The following ATRX variants were observed in gnomAD, a reference collection of about 807,000 sequenced individuals.
ATRX encodes the protein ATRX chromatin remodeler, also known as chromatin remodeler ATRX.
Under a neutral mutation model 172.6 loss-of-function variants are expected in ATRX, and 12 were observed. The ratio of observed to expected loss-of-function variants is 0.07; its 90% confidence interval spans 0.04 to 0.11. The LOEUF (loss-of-function observed/expected upper bound fraction) is 0.11. Ranked by LOEUF, ATRX falls within the 10% of genes least tolerant of loss-of-function variation. ATRX has a pLI of 1.00. For synonymous variants in ATRX, 674 were observed against 594.7 expected (o/e 1.13, Z -1.94); for missense variants, 1,368 against 1,767.4 (o/e 0.77, Z 4.05).
At position 77,508,201 on chromosome X, in the gene ATRX, TAAAAA is replaced by T; in HGVS notation, c.*145_*149del. ...TCAGGAAGAAATGGTATGCCCTATTTAAAAAAAAAAAAAGTAAAACTAATATGGAA... is the reference window on the plus strand; with the variant it reads ...TCAGGAAGAAATGGTATGCCCTATTTAAAAAAAAGTAAAACTAATATGGAA... On this transcript the variant is annotated 3_prime_UTR_variant, in exon 35 of 35. Coordinates refer to ENST00000373344, the MANE Select transcript of ATRX (RefSeq NM_000489.6). 1 of 550,823 alleles carries T rather than the reference TAAAAA, an allele frequency of 1.8e-6. No homozygotes were observed. Among genetic ancestry groups the T allele is most frequent in the Non-Finnish European group, 2.7e-6 (1 of 376,894 alleles). The allele number at this position is 550,823 out of a possible 1,213,427, so 45.4% of individuals were successfully genotyped here.
intron 25 of ATRX, chrX:77,594,811 A>G (rs1407063693): frequency 8.9e-6 from 1 of 111,854 alleles, no homozygotes; most frequent in Non-Finnish European, 1.9e-5. Flanking sequence ...GTGTATCACT[A>G]AACTGTACAA....
chrX:77,637,654 T>A (rs1490670252), intron 15 of ATRX, among the ~76,000 whole-genome samples: 1 of 110,668 alleles, frequency 9.0e-6, no homozygotes, highest in Non-Finnish European at 1.9e-5. Flanking sequence ...CATAAAAACA[T>A]TACGCAGTTG....
chrX:77,764,774 G>T (rs1315927822), intron 1 of ATRX, among the ~76,000 whole-genome samples: 1 of 111,860 alleles, frequency 8.9e-6, no homozygotes, highest in Non-Finnish European at 1.9e-5. Flanking sequence ...GCTAGTTATT[G>T]AACTTAAAAC....
At chrX:77,622,282 G>A (rs2067624821) in intron 19 of ATRX, among the ~76,000 whole-genome samples, 1 of 111,731 alleles carries the variant, frequency 9.0e-6, no homozygotes. Flanking sequence ...AGGGGATCTG[G>A]TAAATGGGGC....
intron 1 of ATRX, among the ~76,000 whole-genome samples, chrX:77,746,254 T>C (rs1447134324): frequency 2.7e-5 from 3 of 110,617 alleles, no homozygotes; most frequent in Non-Finnish European, 5.7e-5. Context: ...CTGTAATCTA[T>C]CCATGTTTAA....
chrX:77,618,223 A>G (rs1215207316), intron 21 of ATRX, among the ~76,000 whole-genome samples: 4 of 112,178 alleles, frequency 3.6e-5, no homozygotes, highest in Admixed American at 1.9e-4. Flanking sequence ...ATCTACAGAG[A>G]AAGTGCGTAT....
intron 28 of ATRX, among the ~76,000 whole-genome samples, chrX:77,572,261 G>T (rs1173485329): frequency 1.8e-5 from 2 of 111,030 alleles, no homozygotes; most frequent in Non-Finnish European, 3.8e-5. Context: ...AACTTTTTGA[G>T]TGCCAACGTA....
chrX:77,651,217 CAAAAAAAAAAAAAAAAA>C (rs1170232589), intron 15 of ATRX, among the ~76,000 whole-genome samples: 3 of 16,482 alleles, frequency 1.8e-4, no homozygotes, highest in East Asian at 4.6e-3. Context: ...AACTCCATCT[CAAAAAAAAAAAAAAAAA>C]AAAAAAAAAA....
rs1826896874 is a variant in ATRX at position 77,682,176 on chromosome X, T to C, written c.3080A>G (p.His1027Arg). Residue 1027 changes from histidine (H) to arginine (R), a missense_variant, in exon 9 of 35, where the codon CAT (histidine) becomes CGT (arginine). Coordinates refer to ENST00000373344, the MANE Select transcript of ATRX (RefSeq NM_000489.6). ...AATTTGTTTTATGCCCTTAGGAAAA[T>C]GACAAATTTCTTCTCGCTCAGGTAA... ...EKLPEREEIC[H>R]FPKGIKQIKN... 8.3e-7 allele frequency: 1 copy of C among 1,209,504 alleles called. No homozygotes were observed. Among genetic ancestry groups the C allele is most frequent in the Non-Finnish European group, 1.1e-6 (1 of 894,940 alleles).
At chrX:77,590,007 C>T (rs2066175746) in intron 26 of ATRX, 67 bp from the exon 27 acceptor site, 2 of 912,564 alleles carry the variant, frequency 2.2e-6, no homozygotes, top group South Asian at 2.2e-5. Flanking sequence ...CTTCCTAAAT[C>T]GATCTACAAA....
At chrX:77,626,319 CAT>C (rs1469324752) in intron 19 of ATRX, among the ~76,000 whole-genome samples, 1 of 107,460 alleles carries the variant, frequency 9.3e-6, no homozygotes, top group Admixed American at 1.0e-4. Flanking sequence ...TAAAAGACAA[CAT>C]ATATGGTGTA....
chrX:77,558,280 A>T (rs1420592728), intron 29 of ATRX, among the ~76,000 whole-genome samples: 1 of 111,416 alleles, frequency 9.0e-6, no homozygotes, highest in African/African-American at 3.3e-5. Context: ...TAAATAAACA[A>T]ATAACAGGAA....
chrX:77,528,727 A>G (rs1368784629), intron 30 of ATRX, among the ~76,000 whole-genome samples: 1 of 112,361 alleles, frequency 8.9e-6, no homozygotes, highest in African/African-American at 3.2e-5. Flanking sequence ...TAAATGCTGA[A>G]AACTCAAAAA....
intron 15 of ATRX, among the ~76,000 whole-genome samples, chrX:77,651,025 G>C (rs979727222): frequency 3.6e-5 from 4 of 110,030 alleles, no homozygotes; most frequent in African/African-American, 1.3e-4. Context: ...TATGATTTCT[G>C]AGATTTGCTC....
intron 26 of ATRX, 24 bp from the exon 27 acceptor site, chrX:77,589,964 T>C (rs782055786): frequency 1.7e-5 from 19 of 1,116,190 alleles, no homozygotes; most frequent in South Asian, 3.7e-5. Context: ...TTAGTGTTTA[T>C]GGATTAGAAG....
intron 34 of ATRX, among the ~76,000 whole-genome samples, chrX:77,514,346 C>T (rs1239419969): frequency 5.4e-5 from 6 of 112,044 alleles, no homozygotes; most frequent in African/African-American, 1.9e-4. Flanking sequence ...TTATGCTATA[C>T]AACTTCAAAC....
chrX:77,761,090 ACAAG>A (rs2075700163), intron 1 of ATRX, among the ~76,000 whole-genome samples: 1 of 112,069 alleles, frequency 8.9e-6, no homozygotes, highest in African/African-American at 3.2e-5. Context: ...GCTTTTTGTT[ACAAG>A]CAGTCATATG....
Position 77,652,276 on chromosome X carries a change from ATCTTCCTCCTCC to A in ATRX, c.4383_4394del (p.Glu1461_Glu1464del), listed in dbSNP as rs781854613. The A allele has an allele frequency of 2.6e-5, 31 of 1,206,256 alleles. No individual in the cohort carries two copies. The highest frequency in any genetic ancestry group is 1.6e-4 in the South Asian group (9 of 56,687). ...CAGGAGACTTGGAATCATCATTTTC[ATCTTCCTCCTCC>A]TCTTCCTCCTCCTCCTCCTCTTCCT... is the stretch of plus-strand genomic sequence containing the variant. On this transcript the variant is annotated inframe_deletion, in exon 15 of 35. Transcript: ENST00000373344.
chrX:77,717,093 A>G (rs1943589346), intron 2 of ATRX, 38 bp downstream of exon 2: 1 of 1,089,932 alleles, frequency 9.2e-7, no homozygotes, highest in African/African-American at 1.8e-5. Flanking sequence ...AAAATAGAAA[A>G]AAGACTAGAA....
Sources: gnomAD v4.1 joint callset for allele counts (sites outside exome capture counted in the v4.1 genomes callset) on GRCh38, gnomAD v4.1.1 for gene constraint, MANE v1.5 for transcripts, NCBI Gene and HGNC (gene_info 2026-07-23, HGNC 2026-07-21) for gene names.